Variants in PCDH9 observed in about 807,000 individuals in gnomAD.
PCDH9 encodes protocadherin 9, also known as protocadherin-9.
A neutral mutation model predicts 70.6 loss-of-function variants in PCDH9; 24 were observed. The ratio of observed to expected loss-of-function variants is 0.34; its 90% CI spans 0.25 to 0.48. The LOEUF is 0.48. Ranked by LOEUF, PCDH9 falls within the 20% of genes least tolerant of loss-of-function variation. The probability of loss-of-function intolerance (pLI) is 0.99; values close to 1 mark genes in which losing one functional copy is unlikely to be tolerated. For synonymous variants in PCDH9, 562 were observed against 558.5 expected, an observed-to-expected ratio of 1.01 and a Z score of -0.09; for missense variants, 1,281 against 1,503.6, an observed-to-expected ratio of 0.85 and a Z score of 2.45.
intron 3 of PCDH9, among the ~76,000 whole-genome samples, chr13:66,780,302 A>T (rs893237426): frequency 1.3e-5 from 2 of 152,248 alleles, no homozygotes; most frequent in South Asian, 2.1e-4. Flanking sequence ...TTTATTTTTT[A>T]AAAAATATTT....
chr13:66,762,565 T>C (rs2079646192), intron 3 of PCDH9, among the ~76,000 whole-genome samples: 1 of 152,002 alleles, frequency 6.6e-6, no homozygotes, highest in South Asian at 2.1e-4. Flanking sequence ...CTTTTCAGTT[T>C]ATTTTTTCCT....
Position 67,197,200 on chromosome 13 carries a change from G to A in PCDH9, c.3036+28205C>T, listed in dbSNP as rs151181986. 3.1e-3 allele frequency among the ~76,000 whole-genome samples: 474 copies of A among 151,992 alleles called. 1 individual carries two copies. The highest frequency in any genetic ancestry group is 0.011 in the African/African-American group (454 of 41,524). On this transcript the variant is annotated intron_variant, in intron 2 of 4. Coordinates refer to ENST00000377865, the MANE Select transcript of PCDH9 (RefSeq NM_203487.3). The stretch of plus-strand genomic sequence containing the variant: ...GCTCTATCTGGCTGCATATTTGCAC[G>A]TCTGGTAATAGCCTCAATTATATAT...
At chr13:67,114,405 A>C (rs2086719751) in intron 2 of PCDH9, among the ~76,000 whole-genome samples, 1 of 152,210 alleles carries the variant, frequency 6.6e-6, no homozygotes, top group Non-Finnish European at 1.5e-5. Flanking sequence ...TGAAGTAGAC[A>C]AAGCTCAAAG....
At chr13:66,502,296 T>C (rs896275351) in intron 4 of PCDH9, among the ~76,000 whole-genome samples, 2 of 152,186 alleles carry the variant, frequency 1.3e-5, no homozygotes, top group East Asian at 1.9e-4. Context: ...ATGTACTTTT[T>C]ACATTTTTAA....
At chr13:66,627,939 T>C (rs1307920255) in intron 4 of PCDH9, among the ~76,000 whole-genome samples, 9 of 152,240 alleles carry the variant, frequency 5.9e-5, no homozygotes, top group African/African-American at 1.9e-4. Flanking sequence ...TAAATTGTTA[T>C]ATGTATTGGA....
chr13:66,444,713 A>C (rs952466634), intron 4 of PCDH9, among the ~76,000 whole-genome samples: 9 of 151,948 alleles, frequency 5.9e-5, no homozygotes, highest in African/African-American at 2.2e-4. Context: ...GGCATGTGCC[A>C]CCAGGCCTGG....
At chr13:66,585,928 C>G (rs1164171951) in intron 4 of PCDH9, among the ~76,000 whole-genome samples, 1 of 152,128 alleles carries the variant, frequency 6.6e-6, no homozygotes, top group East Asian at 1.9e-4. Flanking sequence ...GCATTTCAAG[C>G]AGAGCCCATT....
intron 2 of PCDH9, among the ~76,000 whole-genome samples, chr13:67,103,870 G>A (rs375959938): frequency 2.8e-4 from 42 of 152,262 alleles, no homozygotes; most frequent in African/African-American, 9.1e-4. Flanking sequence ...TGGCAGTTGT[G>A]TACATGGCTA....
intron 3 of PCDH9, among the ~76,000 whole-genome samples, chr13:66,641,787 A>G (rs1323204388): frequency 1.3e-5 from 2 of 152,212 alleles, no homozygotes; most frequent in African/African-American, 4.8e-5. Context: ...TGACTATCCA[A>G]TGCAAAACTG....
chr13:67,102,585 C>A (rs1457243423), intron 2 of PCDH9, among the ~76,000 whole-genome samples: 3 of 152,048 alleles, frequency 2.0e-5, no homozygotes, highest in African/African-American at 4.8e-5. Context: ...ATTCTACATA[C>A]TTCTTAAAGT....
chr13:66,386,029 T>C (rs1956923232), intron 4 of PCDH9, among the ~76,000 whole-genome samples: 1 of 151,974 alleles, frequency 6.6e-6, no homozygotes, highest in Non-Finnish European at 1.5e-5. Context: ...AAGTATCTTT[T>C]AGCTAGAGTA....
intron 3 of PCDH9, among the ~76,000 whole-genome samples, chr13:66,672,573 G>A (rs1304169515): frequency 6.6e-6 from 1 of 152,202 alleles, no homozygotes; most frequent in African/African-American, 2.4e-5. Context: ...CCAGACCCCA[G>A]AATGGTAGAT....
intron 3 of PCDH9, among the ~76,000 whole-genome samples, chr13:66,758,773 C>A (rs538256424): frequency 6.6e-6 from 1 of 152,098 alleles, no homozygotes; most frequent in Admixed American, 6.6e-5. Context: ...TGATGGAAGA[C>A]TTTTTACTAC....
intron 2 of PCDH9, among the ~76,000 whole-genome samples, chr13:67,019,225 G>C (rs1364613730): frequency 1.8e-5 from 2 of 109,042 alleles, no homozygotes; most frequent in Non-Finnish European, 3.4e-5. Flanking sequence ...ATGGAGTCTT[G>C]CTCTGTCGCC....
At chr13:66,378,971 T>A (rs1956795281) in intron 4 of PCDH9, among the ~76,000 whole-genome samples, 2 of 152,208 alleles carry the variant, frequency 1.3e-5, no homozygotes, top group Admixed American at 6.5e-5. Flanking sequence ...CTGGCCTTTG[T>A]CTCTCAAGGG....
intron 4 of PCDH9, among the ~76,000 whole-genome samples, chr13:66,334,891 A>G (rs1363823395): frequency 6.6e-6 from 1 of 152,044 alleles, no homozygotes; most frequent in Non-Finnish European, 1.5e-5. Flanking sequence ...CCATATAATC[A>G]TGTAATATTT....
chr13:66,417,673 T>C (rs1957484736), intron 4 of PCDH9, among the ~76,000 whole-genome samples: 1 of 152,164 alleles, frequency 6.6e-6, no homozygotes, highest in South Asian at 2.1e-4. Context: ...GCATCAGTTG[T>C]TTCCTGACTT....
chr13:66,875,818 A>G (rs915540780), intron 3 of PCDH9, among the ~76,000 whole-genome samples: 2 of 152,192 alleles, frequency 1.3e-5, no homozygotes, highest in Non-Finnish European at 2.9e-5. Flanking sequence ...TGGAATGTAT[A>G]GATTATTAAA....
intron 2 of PCDH9, among the ~76,000 whole-genome samples, chr13:66,961,630 G>A (rs1375418029): frequency 6.6e-6 from 1 of 151,900 alleles, no homozygotes; most frequent in African/African-American, 2.4e-5. Context: ...CCCATCTCCA[G>A]AAAATTAATG....
Sources: allele counts gnomAD v4.1 joint callset (sites outside exome capture counted in the v4.1 genomes callset), GRCh38; gene constraint gnomAD v4.1.1; transcripts MANE v1.5; gene names NCBI Gene and HGNC (gene_info 2026-07-23, HGNC 2026-07-21).